Variants in MCM8 observed in about 807,000 individuals in gnomAD.
MCM8 encodes the protein DNA helicase MCM8.
A neutral mutation model predicts 98.9 loss-of-function variants in MCM8; 85 were observed. That is an observed-to-expected ratio of 0.86 (90% CI 0.72 to 1.03). MCM8 has a LOEUF of 1.03. Ranked by LOEUF, MCM8 falls within the 50% of genes least tolerant of loss-of-function variation. MCM8 has a pLI of 0.00. For missense variants in MCM8, 951 were observed against 997.8 expected (o/e 0.95, Z 0.63); for synonymous variants, 352 against 338.6 (o/e 1.04, Z -0.44).
At chr20:5,992,499 A>G (rs1407539678) in intron 17 of MCM8, among the ~76,000 whole-genome samples, 1 of 152,180 alleles carries the variant, frequency 6.6e-6, no homozygotes, top group Non-Finnish European at 1.5e-5. Flanking sequence ...ATTTTTAACA[A>G]CTTTCTCATG....
chr20:5,984,693 A>G, intron 14 of MCM8, 88 bp from the exon 15 acceptor site: 1 of 1,082,074 alleles, frequency 9.2e-7, no homozygotes, highest in East Asian at 2.4e-5. Flanking sequence ...TCTGCGTGGA[A>G]CTTGAGTAGT....
chr20:5,971,306 T>A (rs935287619), intron 10 of MCM8, among the ~76,000 whole-genome samples: 2 of 152,258 alleles, frequency 1.3e-5, no homozygotes, highest in African/African-American at 2.4e-5. Context: ...GCCTGTTCTC[T>A]CTGAAACCTG....
At chr20:5,958,422 C>G (rs958657415) in intron 6 of MCM8, 106 bp from the exon 7 acceptor site, 2 of 808,692 alleles carry the variant, frequency 2.5e-6, no homozygotes, top group Non-Finnish European at 2.0e-6. Context: ...TCTGATATAT[C>G]GAAGGGATGA....
rs1159842583 is a variant in MCM8 at position 5,997,739 on chromosome 20, A to T, written c.*3348A>T. ...CTACCTCAGCCTCCTGAGTAGCTGG[A>T]ACTACAGGAATGCAACACCATGCCC... On this transcript the variant is annotated 3_prime_UTR_variant, in exon 19 of 19. Transcript: ENST00000610722. 1 of 152,260 alleles carries T rather than the reference A, an allele frequency of 6.6e-6. No individual in the cohort carries two copies. The highest frequency in any genetic ancestry group is 1.9e-4 in the East Asian group (1 of 5,188). 9.4% of individuals were successfully genotyped at this position (152,260 alleles called of 1,614,324 possible). A position where few individuals can be genotyped will look rare whatever the true frequency, so the allele number is the denominator to read the frequency against.
intron 12 of MCM8, among the ~76,000 whole-genome samples, chr20:5,973,845 G>A (rs2089455299): frequency 6.6e-6 from 1 of 152,140 alleles, no homozygotes; most frequent in African/African-American, 2.4e-5. Flanking sequence ...AGTAGAGACA[G>A]GGTTTTGCTG....
chr20:5,971,799 T>C (rs1158099453), intron 10 of MCM8, among the ~76,000 whole-genome samples: 10 of 152,226 alleles, frequency 6.6e-5, no homozygotes, highest in Admixed American at 6.5e-4. Flanking sequence ...CTGTTCCTTA[T>C]GCAGAGTTTT....
chr20:5,967,800 A>G (rs773332712), intron 9 of MCM8, 30 bp from the exon 10 acceptor site: 10 of 1,537,560 alleles, frequency 6.5e-6, no homozygotes, highest in Non-Finnish European at 8.9e-6. Flanking sequence ...GAAAATACCA[A>G]CTATTGTATT....
chr20:5,994,298 G>A lies in MCM8; in HGVS notation c.2431-1G>A. The A allele has an allele frequency of 6.3e-7, 1 of 1,587,622 alleles. No individual in the cohort carries two copies. The highest frequency in any genetic ancestry group is 8.6e-7 in the Non-Finnish European group (1 of 1,167,808). On this transcript the variant is annotated splice_acceptor_variant, in intron 18 of 18. Coordinates refer to ENST00000610722, the MANE Select transcript of MCM8 (RefSeq NM_032485.6). LOFTEE classifies it high-confidence loss of function. ...CTAAACCTTTTGATGTTTTCTTCCA[G>A]GTTGCTGATTTTGAAAATTTTATTG...
chr20:5,988,425 G>A (rs1248559290), intron 17 of MCM8, among the ~76,000 whole-genome samples: 2 of 151,682 alleles, frequency 1.3e-5, no homozygotes, highest in African/African-American at 2.4e-5. Flanking sequence ...TTGTGCCACT[G>A]TACTCTAGCC....
At chr20:5,952,847 C>T (rs2088869701) in intron 3 of MCM8, among the ~76,000 whole-genome samples, 1 of 152,208 alleles carries the variant, frequency 6.6e-6, no homozygotes, top group East Asian at 1.9e-4. Flanking sequence ...CAGCAACCAT[C>T]CTTATGGCTA....
intron 13 of MCM8, among the ~76,000 whole-genome samples, chr20:5,978,465 A>C (rs546633107): frequency 7.9e-4 from 120 of 152,348 alleles, no homozygotes; most frequent in African/African-American, 2.5e-3. Flanking sequence ...ACTATGATTT[A>C]GCTCTAAATA....
intron 4 of MCM8, 123 bp from the exon 5 acceptor site, chr20:5,954,979 T>A: frequency 1.4e-6 from 1 of 698,228 alleles, no homozygotes; most frequent in Non-Finnish European, 2.4e-6. Flanking sequence ...TATACTTATG[T>A]CATACTTACC....
intron 3 of MCM8, among the ~76,000 whole-genome samples, chr20:5,953,438 GGT>G (rs11470045): frequency 0.42 from 61,012 of 145,932 alleles, 12,534 homozygotes; most frequent in Middle Eastern, 0.53. Flanking sequence ...TCTCATGAGG[GGT>G]GTGTGTGTGT....
Position 5,984,987 on chromosome 20 carries a change from C to T in MCM8, c.1940C>T (p.Ser647Leu), listed in dbSNP as rs777336839. 8.1e-6 allele frequency: 13 copies of T among 1,613,008 alleles called. No individual in the cohort carries two copies. In the East Asian group the frequency reaches 2.2e-4, roughly 28 times the overall value. ...VLEVVSEKPL[S>L]ERLKVVPGET... ...GAAGTAGTTTCTGAGAAGCCATTAT[C>T]AGAAAGACTAAAGGTATAAATGTTT... The change falls in exon 15 of 19, where the codon TCA becomes TTA. Residue 647 changes from serine to leucine, a missense_variant. Physicochemically the swap from Ser to Leu is moderately radical, Grantham distance 145 (BLOSUM62 -2). Coordinates refer to ENST00000610722, the MANE Select transcript of MCM8 (RefSeq NM_032485.6).
rs373561689 is a variant in MCM8 at position 5,954,696 on chromosome 20, A to T, written c.336+6A>T. ...ATATTGATTTGTATGACAAGGTAAGATTCCTCTACAGCAAAGCTACCAGTC... is the reference window on the plus strand; with the variant it reads ...ATATTGATTTGTATGACAAGGTAAGTTTCCTCTACAGCAAAGCTACCAGTC... On this transcript the variant is annotated splice_donor_region_variant and intron_variant, in intron 4 of 18. Transcript: ENST00000610722. 6.6e-7 allele frequency: 1 copy of T among 1,525,992 alleles called. No individual in the cohort carries two copies. The highest frequency in any genetic ancestry group is 1.4e-5 in the African/African-American group (1 of 73,016). The allele number at this position is 1,525,992 out of a possible 1,614,324, so 94.5% of individuals were successfully genotyped here.
At chr20:5,954,840 A>C in intron 4 of MCM8, 150 bp downstream of exon 4, 2 of 606,896 alleles carry the variant, frequency 3.3e-6, no homozygotes, top group Non-Finnish European at 5.8e-6. Flanking sequence ...ACTTTGATTA[A>C]TTACTTCTCT....
At chr20:5,987,196 A>G (rs2122817116) in intron 16 of MCM8, 86 bp from the exon 17 acceptor site, 2 of 1,342,642 alleles carry the variant, frequency 1.5e-6, no homozygotes, top group East Asian at 2.4e-5. Context: ...GTTTTTGTGT[A>G]AAACAAGTAA....
Position 5,952,173 on chromosome 20 carries a change from G to T in MCM8, c.148+10G>T, listed in dbSNP as rs755811572. 3 of 1,611,000 alleles carry T rather than the reference G, an allele frequency of 1.9e-6. No individual in the cohort carries two copies. Among genetic ancestry groups the T allele is most frequent in the East Asian group, 2.2e-5 (1 of 44,796 alleles). On this transcript the variant is annotated intron_variant, in intron 2 of 18. Coordinates refer to ENST00000610722, the MANE Select transcript of MCM8 (RefSeq NM_032485.6). ...GGAAAACGTACTTCTGGTAGGTGAGGTCAATGATTGTTCAATTTTTTTCAC... is the reference window on the plus strand; with the variant it reads ...GGAAAACGTACTTCTGGTAGGTGAGTTCAATGATTGTTCAATTTTTTTCAC...
At chr20:5,958,801 G>C (rs2089058439) in intron 7 of MCM8, 75 bp downstream of exon 7, 2 of 1,349,084 alleles carry the variant, frequency 1.5e-6, no homozygotes, top group Non-Finnish European at 2.1e-6. Flanking sequence ...ACATTTCCCA[G>C]TGTTTCTGAA....
Sources: gnomAD v4.1 joint callset for allele counts (sites outside exome capture counted in the v4.1 genomes callset) on GRCh38, gnomAD v4.1.1 for gene constraint, MANE v1.5 for transcripts, NCBI Gene and HGNC (gene_info 2026-07-23, HGNC 2026-07-21) for gene names.